Variants in LRRC4C observed in about 807,000 individuals in gnomAD.
LRRC4C encodes leucine-rich repeat-containing protein 4C.
In LRRC4C, 5 loss-of-function variants were observed where a neutral mutation model predicts 33.6. That is an observed-to-expected ratio of 0.15 (90% CI 0.08 to 0.31). LRRC4C has a LOEUF of 0.31. Among genes scored for constraint, LRRC4C ranks in the 10% least tolerant of loss-of-function variants. The pLI is 1.00. For synonymous variants in LRRC4C, 329 were observed against 302.0 expected (o/e 1.09, Z -0.93); for missense variants, 560 against 796.7 (o/e 0.70, Z 3.58).
chr11:40,419,778 A>G (rs1181486413), intron 3 of LRRC4C, among the ~76,000 whole-genome samples: 1 of 152,214 alleles, frequency 6.6e-6, no homozygotes, highest in East Asian at 1.9e-4. Context: ...AGAAGGCACA[A>G]GGGGCAGGTG....
chr11:40,794,943 T>G (rs1462158864), intron 2 of LRRC4C, among the ~76,000 whole-genome samples: 1 of 152,186 alleles, frequency 6.6e-6, no homozygotes, highest in African/African-American at 2.4e-5. Context: ...AATTTTCTCC[T>G]AAAATGGCAA....
chr11:40,196,782 T>A (rs1234350992), intron 5 of LRRC4C, among the ~76,000 whole-genome samples: 1 of 152,214 alleles, frequency 6.6e-6, no homozygotes. Flanking sequence ...TATTAAAAGA[T>A]CTATTACTCT....
intron 3 of LRRC4C, among the ~76,000 whole-genome samples, chr11:40,514,565 A>T (rs1173768768): frequency 6.6e-6 from 1 of 152,174 alleles, no homozygotes; most frequent in Non-Finnish European, 1.5e-5. Flanking sequence ...GGTTATTGCT[A>T]TCATTATCAG....
At chr11:41,275,065 G>A (rs1343527348) in intron 1 of LRRC4C, among the ~76,000 whole-genome samples, 2 of 152,010 alleles carry the variant, frequency 1.3e-5, no homozygotes, top group African/African-American at 4.8e-5. Context: ...AAAGAGCCTG[G>A]CACCTCCTCT....
At chr11:41,231,915 G>A (rs1047129742) in intron 1 of LRRC4C, among the ~76,000 whole-genome samples, 8 of 151,130 alleles carry the variant, frequency 5.3e-5, no homozygotes, top group Non-Finnish European at 7.4e-5. Flanking sequence ...TTGCCTATAG[G>A]ACAAAGTCCA....
chr11:41,001,690 A>G (rs1854394982), intron 1 of LRRC4C, among the ~76,000 whole-genome samples: 1 of 152,198 alleles, frequency 6.6e-6, no homozygotes, highest in Non-Finnish European at 1.5e-5. Context: ...ATATTAATCA[A>G]GTGAAATTAA....
At chr11:40,543,273 T>G (rs1254283898) in intron 3 of LRRC4C, among the ~76,000 whole-genome samples, 1 of 152,044 alleles carries the variant, frequency 6.6e-6, no homozygotes, top group Non-Finnish European at 1.5e-5. Context: ...ATTTTAAAAT[T>G]TTACAGGAAA....
In LRRC4C at chr11:40,140,142, T is replaced by C. The variant is rs147148655; in HGVS notation, c.-43+659A>G. On this transcript the variant is annotated intron_variant, in intron 6 of 6. Transcript: ENST00000528697. ...TGTCAATTATTTATAAAGGGCCAACTACAGCTCATAGGTGCCAAGTAGGTA... is the reference window on the plus strand; with the variant it reads ...TGTCAATTATTTATAAAGGGCCAACCACAGCTCATAGGTGCCAAGTAGGTA... Among the ~76,000 whole-genome samples the C allele has an allele frequency of 5.7e-4, 87 of 152,318 alleles. No homozygotes were observed. In the East Asian group the frequency reaches 0.015, roughly 26 times the overall value.
intron 2 of LRRC4C, among the ~76,000 whole-genome samples, chr11:40,662,115 A>G (rs894170703): frequency 6.6e-6 from 1 of 152,228 alleles, no homozygotes; most frequent in African/African-American, 2.4e-5. Flanking sequence ...AAATCATGCT[A>G]AATAATTATT....
chr11:40,883,898 T>G (rs1955305879), intron 2 of LRRC4C, among the ~76,000 whole-genome samples: 1 of 151,400 alleles, frequency 6.6e-6, no homozygotes, highest in Non-Finnish European at 1.5e-5. Flanking sequence ...AGCTAGTTTT[T>G]TTTTTTTTTA....
Position 41,339,187 on chromosome 11 carries a change from A to G in LRRC4C, c.-496+120244T>C, listed in dbSNP as rs532905630. Among the ~76,000 whole-genome samples the G allele has an allele frequency of 2.4e-4, 36 of 152,334 alleles. No homozygotes were observed. In the South Asian group the frequency reaches 5.0e-3, roughly 21 times the overall value. On this transcript the variant is annotated intron_variant, in intron 1 of 6. Coordinates refer to ENST00000528697, the MANE Select transcript of LRRC4C (RefSeq NM_001258419.2). ...TCACTTTATGATATTGCTAGATGCT[A>G]CAGAGGTAAAATATTAGAGGCACAA... is the stretch of plus-strand genomic sequence containing the variant.
intron 5 of LRRC4C, among the ~76,000 whole-genome samples, chr11:40,241,256 C>T (rs1829785212): frequency 6.6e-6 from 1 of 151,964 alleles, no homozygotes; most frequent in Non-Finnish European, 1.5e-5. Flanking sequence ...GTAGTGCACA[C>T]CCGTGGTGCT....
intron 1 of LRRC4C, among the ~76,000 whole-genome samples, chr11:41,279,298 C>T (rs189401959): frequency 2.0e-5 from 3 of 151,610 alleles, no homozygotes; most frequent in Admixed American, 2.0e-4. Flanking sequence ...GAAAGGCTTC[C>T]ATGACCGAAG....
rs112665061 is a variant in LRRC4C, at chr11:41,251,574, C to T, written c.-496+207857G>A. On this transcript the variant is annotated intron_variant, in intron 1 of 6. Transcript: ENST00000528697. ...GAAGTATTTTTGGAAACAATATACTCAGTAATATATGGCCAAATGTGCATG... is the reference window on the plus strand; with the variant it reads ...GAAGTATTTTTGGAAACAATATACTTAGTAATATATGGCCAAATGTGCATG... Among the ~76,000 whole-genome samples the T allele has an allele frequency of 8.4e-3, 1,281 of 152,258 alleles. 24 individuals are homozygous for T. Among genetic ancestry groups the T allele is most frequent in the African/African-American group, 0.029 (1,212 of 41,554 alleles).
chr11:40,969,629 A>G (rs1851589288), intron 1 of LRRC4C, among the ~76,000 whole-genome samples: 2 of 152,210 alleles, frequency 1.3e-5, no homozygotes, highest in Admixed American at 6.5e-5. Context: ...CAGCAAAAAC[A>G]TTAGGACTCA....
chr11:41,284,413 T>C (rs1949760979), intron 1 of LRRC4C, among the ~76,000 whole-genome samples: 2 of 152,210 alleles, frequency 1.3e-5, no homozygotes, highest in Non-Finnish European at 2.9e-5. Context: ...TTATATTTTT[T>C]TCTACCAAAG....
intron 2 of LRRC4C, among the ~76,000 whole-genome samples, chr11:40,712,414 C>A (rs911288841): frequency 6.6e-6 from 1 of 152,148 alleles, no homozygotes; most frequent in Non-Finnish European, 1.5e-5. Context: ...AAAAGTTAAA[C>A]CTACATGCCA....
At chr11:41,397,094 C>T (rs933555245) in intron 1 of LRRC4C, among the ~76,000 whole-genome samples, 5 of 151,946 alleles carry the variant, frequency 3.3e-5, no homozygotes, top group Non-Finnish European at 5.9e-5. Context: ...AGGTCAGATG[C>T]AAACCCACGC....
At chr11:40,445,137 T>A (rs913009897) in intron 3 of LRRC4C, among the ~76,000 whole-genome samples, 1 of 152,144 alleles carries the variant, frequency 6.6e-6, no homozygotes. Context: ...ATATTCCCTA[T>A]AAAAATCTCA....
Sources: allele counts gnomAD v4.1 joint callset (sites outside exome capture counted in the v4.1 genomes callset), GRCh38; gene constraint gnomAD v4.1.1; transcripts MANE v1.5; gene names NCBI Gene and HGNC (gene_info 2026-07-23, HGNC 2026-07-21).